Variants in MAPK10 observed in about 807,000 individuals in gnomAD.
MAPK10 encodes the protein JNK3 alpha protein kinase.
A neutral mutation model predicts 59.3 loss-of-function variants in MAPK10; 25 were observed. The observed-to-expected ratio is 0.42, with a 90% confidence interval of 0.31 to 0.59. The LOEUF is 0.59. MAPK10 is among the 20% of genes least tolerant of loss of function. The pLI, the probability that MAPK10 is intolerant of heterozygous loss-of-function variation, is 0.15. For synonymous variants in MAPK10, 190 were observed against 200.5 expected, an observed-to-expected ratio of 0.95 and a Z score of 0.44; for missense variants, 351 against 568.9, an observed-to-expected ratio of 0.62 and a Z score of 3.90.
upstream of MAPK10, among the ~76,000 whole-genome samples, chr4:86,455,234 A>C (rs887448514): frequency 1.3e-5 from 2 of 152,144 alleles, no homozygotes; most frequent in Non-Finnish European, 2.9e-5. Context: ...CAACAAAAAA[A>C]ACAAGGTATA....
At chr4:86,399,059 C>T (rs957251150) in intron 1 of MAPK10, among the ~76,000 whole-genome samples, 4 of 152,246 alleles carry the variant, frequency 2.6e-5, no homozygotes, top group African/African-American at 7.2e-5. Flanking sequence ...ACTGCTGCAA[C>T]GAACACACAC....
intron 9 of MAPK10, chr4:86,081,430 G>T (rs770699891): frequency 2.0e-4 from 30 of 151,380 alleles, no homozygotes; most frequent in Non-Finnish European, 4.0e-4. Context: ...AATACAAGAA[G>T]ATATTTGCAA....
In MAPK10 at chr4:86,038,505, A is replaced by C. The variant is rs137996629; in HGVS notation, c.1111-7074T>G. 3.5e-3 allele frequency among the ~76,000 whole-genome samples: 530 copies of C among 152,276 alleles called. 5 individuals carry two copies. The highest frequency in any genetic ancestry group is 0.012 in the African/African-American group (509 of 41,562). ...CAGGAAATCCATTAAGGAAATATAC[A>C]ACATTTTGATTTTATATTTCCTTGA... On this transcript the variant is annotated intron_variant, in intron 11 of 13. Coordinates refer to ENST00000641462, the MANE Select transcript of MAPK10 (RefSeq NM_138982.4).
intron 2 of MAPK10, among the ~76,000 whole-genome samples, chr4:86,208,368 G>C (rs1008586399): frequency 6.7e-6 from 1 of 148,438 alleles, no homozygotes; most frequent in Non-Finnish European, 1.5e-5. Context: ...GAATCCAGCA[G>C]CACATCAAAA....
intron 4 of MAPK10, among the ~76,000 whole-genome samples, chr4:86,146,437 G>C (rs1487124692): frequency 3.9e-5 from 6 of 152,170 alleles, no homozygotes; most frequent in Non-Finnish European, 8.8e-5. Context: ...ATTTTAGAGA[G>C]GGCAAAGACT....
chr4:86,564,306 AAC>A (rs1760903743), intron 1 of MAPK10, among the ~76,000 whole-genome samples: 1 of 152,194 alleles, frequency 6.6e-6, no homozygotes, highest in South Asian at 2.1e-4. Context: ...TTTTGAGATG[AAC>A]AGTCTCCTGG....
chr4:86,338,232 C>T (rs1578485947), intron 2 of MAPK10, among the ~76,000 whole-genome samples: 1 of 152,146 alleles, frequency 6.6e-6, no homozygotes, highest in South Asian at 2.1e-4. Context: ...TTGAACATTC[C>T]TAAGTACTAA....
At position 86,365,431 on chromosome 4, in the gene MAPK10, C is replaced by CAAAA. The variant is rs70948789; in HGVS notation, c.-121-10791_-121-10788dup. Among the ~76,000 whole-genome samples the CAAAA allele has an allele frequency of 8.3e-3, 269 of 32,450 alleles. 71 individuals are homozygous for CAAAA. Among genetic ancestry groups the CAAAA allele is most frequent in the South Asian group, 0.014 (6 of 418 alleles). 21.3% of individuals were successfully genotyped at this position (32,450 alleles called of 152,430 possible). On this transcript the variant is annotated intron_variant, in intron 1 of 13. Coordinates refer to the MAPK10 transcript ENST00000361569. ...TGGGCAACAGGGTGAGACTCTGTCTCAAAAAAAAAAAAAAAAAAAAAAAAA... is the reference window on the plus strand; with the variant it reads ...TGGGCAACAGGGTGAGACTCTGTCTCAAAAAAAAAAAAAAAAAAAAAAAAAAAAA...
At chr4:86,466,479 C>A (rs563357844) in intron 1 of MAPK10, among the ~76,000 whole-genome samples, 1 of 152,156 alleles carries the variant, frequency 6.6e-6, no homozygotes, top group African/African-American at 2.4e-5. Context: ...AGGCCACATG[C>A]TATATTTCTG....
intron 2 of MAPK10, among the ~76,000 whole-genome samples, chr4:86,293,918 C>A (rs1019365543): frequency 6.6e-6 from 1 of 152,176 alleles, no homozygotes; most frequent in African/African-American, 2.4e-5. Flanking sequence ...GACTACATTT[C>A]AACATGGGAT....
At chr4:86,191,100 G>A (rs2079632264) in intron 3 of MAPK10, among the ~76,000 whole-genome samples, 1 of 152,142 alleles carries the variant, frequency 6.6e-6, no homozygotes, top group Non-Finnish European at 1.5e-5. Context: ...TTGCACTGTG[G>A]TCTGAAAGAC....
chr4:86,419,876 A>G (rs553571319), intron 1 of MAPK10, among the ~76,000 whole-genome samples: 6 of 152,336 alleles, frequency 3.9e-5, no homozygotes, highest in Admixed American at 3.3e-4. Context: ...TTGAAAATAA[A>G]AGAAGTAAGA....
intron 1 of MAPK10, chr4:86,370,847 G>A (rs940572719): frequency 2.0e-5 from 3 of 152,136 alleles, no homozygotes; most frequent in African/African-American, 7.2e-5. Context: ...ATCAGGTCTA[G>A]ATCACATGAT....
In MAPK10 at chr4:86,278,343, T is replaced by C. The variant is rs111473624; in HGVS notation, c.-7+76187A>G. On this transcript the variant is annotated intron_variant, in intron 2 of 13. Transcript: ENST00000641462. The stretch of plus-strand genomic sequence containing the variant: ...TTAGAATAAGGATTGCCTTTGGCTA[T>C]GGAGTCTACTCCAAAATATGAACAT... 8.5e-3 allele frequency among the ~76,000 whole-genome samples: 1,295 copies of C among 152,316 alleles called. 14 individuals carry two copies. Among genetic ancestry groups the C allele is most frequent in the African/African-American group, 0.029 (1,188 of 41,576 alleles).
intron 2 of MAPK10, among the ~76,000 whole-genome samples, chr4:86,234,890 CT>C (rs1448796227): frequency 6.6e-6 from 1 of 152,104 alleles, no homozygotes; most frequent in Non-Finnish European, 1.5e-5. Flanking sequence ...ATTTTATTTA[CT>C]TGATAAAGTA....
At chr4:86,112,607 A>G (rs2057673730) in intron 4 of MAPK10, among the ~76,000 whole-genome samples, 4 of 152,110 alleles carry the variant, frequency 2.6e-5, no homozygotes, top group Admixed American at 2.6e-4. Flanking sequence ...CTTATTTTGC[A>G]TTTGGTGAGG....
chr4:86,471,840 G>T (rs762158370), intron 1 of MAPK10, among the ~76,000 whole-genome samples: 7 of 152,066 alleles, frequency 4.6e-5, no homozygotes, highest in Non-Finnish European at 8.8e-5. Context: ...TGAAATCAGA[G>T]ATGATGACTG....
chr4:86,097,106 A>G (rs2054374965), intron 9 of MAPK10, among the ~76,000 whole-genome samples: 1 of 152,052 alleles, frequency 6.6e-6, no homozygotes, highest in South Asian at 2.1e-4. Flanking sequence ...AACACAAGCT[A>G]TATAAGATTA....
At chr4:86,092,019 TTC>T (rs1017102472) in intron 9 of MAPK10, among the ~76,000 whole-genome samples, 13 of 152,088 alleles carry the variant, frequency 8.5e-5, no homozygotes, top group African/African-American at 3.1e-4. Flanking sequence ...TATCTCACAG[TTC>T]TCTTTTTGGT....
Sources: gnomAD v4.1 joint callset for allele counts (sites outside exome capture counted in the v4.1 genomes callset) on GRCh38, gnomAD v4.1.1 for gene constraint, MANE v1.5 for transcripts, NCBI Gene and HGNC (gene_info 2026-07-23, HGNC 2026-07-21) for gene names.